The following CREB3L2 variants were observed in gnomAD, a reference collection of about 807,000 sequenced individuals.
CREB3L2 encodes cAMP responsive element binding protein 3 like 2, also known as cyclic AMP-responsive element-binding protein 3-like protein 2.
CREB3L2 carries 23 observed loss-of-function variants against 57.2 expected under a neutral mutation model. The ratio of observed to expected loss-of-function variants is 0.40; its 90% CI spans 0.29 to 0.57. The LOEUF is 0.57. Ranked by LOEUF, CREB3L2 falls within the 20% of genes least tolerant of loss-of-function variation. CREB3L2 has a pLI of 0.42. For synonymous variants in CREB3L2, 268 were observed against 265.1 expected (o/e 1.01, Z -0.11); for missense variants, 628 against 634.7 (o/e 0.99, Z 0.11).
intron 1 of CREB3L2, chr7:137,953,227 C>G (rs566995476): frequency 5.9e-6 from 2 of 336,242 alleles, no homozygotes; most frequent in Non-Finnish European, 1.2e-5. Context: ...CAGGGTTAGA[C>G]AGTTTGTTCC....
rs748607335 is a variant in CREB3L2 at position 137,908,287 on chromosome 7, C to T, written c.733G>A (p.Ala245Thr). Residue 245 changes from alanine (A) to threonine (T), a missense_variant, in exon 5 of 12, where the codon GCC becomes ACC. By Grantham distance (58) the Ala-to-Thr change is moderately conservative (BLOSUM62 0). Coordinates refer to ENST00000330387, the MANE Select transcript of CREB3L2 (RefSeq NM_194071.4). The stretch of plus-strand genomic sequence containing the variant: ...GTGAGGAGAGGGGAGCTGGAGAGGG[C>T]GGAGGGGGCCCGGGGTGCAGCTCTG... The part of the protein sequence containing the change: ...PSRAAPRAPS[A>T]LSSSPLLTAP... 25 of 1,259,120 alleles carry T rather than the reference C, an allele frequency of 2.0e-5. No homozygotes were observed. The highest frequency in any genetic ancestry group is 2.6e-4 in the Middle Eastern group (1 of 3,782). 78.0% of individuals were successfully genotyped at this position (1,259,120 alleles called of 1,614,324 possible).
intron 2 of CREB3L2, among the ~76,000 whole-genome samples, chr7:137,927,509 T>C (rs1054729429): frequency 1.3e-5 from 2 of 151,888 alleles, no homozygotes; most frequent in African/African-American, 4.8e-5. Flanking sequence ...TTAAAAGATA[T>C]ATATGCCTTG....
chr7:137,972,693 A>AC (rs1563270035), intron 1 of CREB3L2, among the ~76,000 whole-genome samples: 17 of 36,174 alleles, frequency 4.7e-4, no homozygotes, highest in Admixed American at 2.6e-3. Flanking sequence ...ACAAAAAAAA[A>AC]AAAAAAAAAA....
At chr7:137,938,965 G>A (rs1800837804) in intron 1 of CREB3L2, among the ~76,000 whole-genome samples, 1 of 151,914 alleles carries the variant, frequency 6.6e-6, no homozygotes, top group Non-Finnish European at 1.5e-5. Context: ...AAGGAGAGCT[G>A]CAAGATTCAG....
chr7:137,943,674 C>G (rs1431779921), intron 1 of CREB3L2, among the ~76,000 whole-genome samples: 1 of 152,092 alleles, frequency 6.6e-6, no homozygotes, highest in Non-Finnish European at 1.5e-5. Context: ...GTTTTCTGCC[C>G]TATTCCTCAT....
intron 8 of CREB3L2, among the ~76,000 whole-genome samples, chr7:137,894,917 C>T (rs1258774022): frequency 6.6e-6 from 1 of 152,196 alleles, no homozygotes; most frequent in East Asian, 1.9e-4. Context: ...CATTCTACCT[C>T]TAAATGTTAA....
At chr7:137,971,349 G>C (rs910344083) in intron 1 of CREB3L2, among the ~76,000 whole-genome samples, 4 of 151,930 alleles carry the variant, frequency 2.6e-5, no homozygotes, top group Non-Finnish European at 5.9e-5. Context: ...ACTCGGGAGG[G>C]TGAGGCAGGA....
At chr7:137,906,786 A>G (rs1222978478) in intron 5 of CREB3L2, among the ~76,000 whole-genome samples, 1 of 152,188 alleles carries the variant, frequency 6.6e-6, no homozygotes, top group Non-Finnish European at 1.5e-5. Context: ...GGTTTTAAAA[A>G]ACAGGAGTTG....
intron 1 of CREB3L2, among the ~76,000 whole-genome samples, chr7:137,951,008 T>A (rs893935989): frequency 6.6e-6 from 1 of 152,218 alleles, no homozygotes; most frequent in African/African-American, 2.4e-5. Context: ...GGCACTTTCA[T>A]GGTCATTTGA....
intron 8 of CREB3L2, among the ~76,000 whole-genome samples, chr7:137,893,049 T>C (rs1799555036): frequency 6.6e-6 from 1 of 152,136 alleles, no homozygotes; most frequent in Admixed American, 6.5e-5. Context: ...GTTTTGAAGG[T>C]TGTTCATGGG....
intron 8 of CREB3L2, among the ~76,000 whole-genome samples, chr7:137,896,640 C>T (rs1022973227): frequency 5.3e-5 from 8 of 152,140 alleles, no homozygotes; most frequent in African/African-American, 1.7e-4. Flanking sequence ...CTACAATTAT[C>T]TGTGGGAAGA....
In CREB3L2 at chr7:137,879,513, TAGAGGC is replaced by T. The variant is rs1563234958; in HGVS notation, c.*957_*962del. On this transcript the variant is annotated 3_prime_UTR_variant, in exon 12 of 12. Transcript: ENST00000330387. ...GTCATCTCTCGCTCTGAGCTCATCC[TAGAGGC>T]AGACACATACATGCTCAAAGGAACT... The T allele has an allele frequency of 6.7e-6, 2 of 300,330 alleles. No individual in the cohort carries two copies. Among genetic ancestry groups the T allele is most frequent in the Non-Finnish European group, 1.3e-5 (2 of 156,916 alleles). 18.6% of individuals were successfully genotyped at this position (300,330 alleles called of 1,614,324 possible). A position where few individuals can be genotyped will look rare whatever the true frequency, so the allele number is the denominator to read the frequency against.
chr7:137,933,508 C>G (rs1298488719), intron 1 of CREB3L2, among the ~76,000 whole-genome samples: 2 of 152,248 alleles, frequency 1.3e-5, no homozygotes, highest in African/African-American at 4.8e-5. Flanking sequence ...ACTCTGCTAA[C>G]TTTCCCTGAA....
Position 137,916,458 on chromosome 7 carries a change from G to A in CREB3L2, c.320-446C>T, listed in dbSNP as rs377503671. On this transcript the variant is annotated intron_variant, in intron 2 of 11. Coordinates refer to ENST00000330387, the MANE Select transcript of CREB3L2 (RefSeq NM_194071.4). The stretch of plus-strand genomic sequence containing the variant: ...CAGCCGGGCACAGTGGCTCACGCAA[G>A]TAATCCCAGCACTTTGGGATGCCAA... Among the ~76,000 whole-genome samples the A allele has an allele frequency of 1.8e-4, 28 of 152,290 alleles. No individual in the cohort carries two copies. The South Asian group carries it at 4.8e-3, about 26-fold the overall frequency.
At chr7:137,958,854 A>T (rs1196008115) in intron 1 of CREB3L2, among the ~76,000 whole-genome samples, 1 of 152,240 alleles carries the variant, frequency 6.6e-6, no homozygotes, top group African/African-American at 2.4e-5. Context: ...AAATCCAAGG[A>T]AGGTCCAGTG....
chr7:137,997,391 TA>T (rs1444068502), intron 1 of CREB3L2, among the ~76,000 whole-genome samples: 1 of 152,168 alleles, frequency 6.6e-6, no homozygotes, highest in African/African-American at 2.4e-5. Context: ...ATATATAAAA[TA>T]CATTTTAAAA....
intron 1 of CREB3L2, among the ~76,000 whole-genome samples, chr7:137,993,998 G>T (rs1801943283): frequency 6.6e-6 from 1 of 152,202 alleles, no homozygotes; most frequent in Admixed American, 6.5e-5. Flanking sequence ...ACTTCATTTA[G>T]AAAGGCCAGG....
At chr7:137,965,791 A>T (rs1183909206) in intron 1 of CREB3L2, among the ~76,000 whole-genome samples, 1 of 152,194 alleles carries the variant, frequency 6.6e-6, no homozygotes, top group Non-Finnish European at 1.5e-5. Flanking sequence ...CCTGAGGAGG[A>T]GCAAAACAAA....
intron 7 of CREB3L2, among the ~76,000 whole-genome samples, chr7:137,902,401 T>C (rs1350029250): frequency 1.3e-5 from 2 of 152,076 alleles, no homozygotes; most frequent in Non-Finnish European, 2.9e-5. Flanking sequence ...CCAGGACTGA[T>C]AAGAAGTGAA....
Sources: allele counts gnomAD v4.1 joint callset (sites outside exome capture counted in the v4.1 genomes callset), GRCh38; gene constraint gnomAD v4.1.1; transcripts MANE v1.5; gene names NCBI Gene and HGNC (gene_info 2026-07-23, HGNC 2026-07-21).